The following FRMPD1 variants were observed in gnomAD, a reference collection of about 807,000 sequenced individuals.
FRMPD1 encodes the protein FERM and PDZ domain-containing protein 1.
A neutral mutation model predicts 117.8 loss-of-function variants in FRMPD1; 76 were observed. That is an observed-to-expected ratio of 0.65 (90% CI 0.54 to 0.78). The LOEUF (loss-of-function observed/expected upper bound fraction) is 0.78. FRMPD1 is among the 30% of genes least tolerant of loss of function. The pLI, the probability that FRMPD1 is intolerant of heterozygous loss-of-function variation, is 0.00. For missense variants in FRMPD1, 1,786 were observed against 1,964.5 expected (o/e 0.91, Z 1.72); for synonymous variants, 783 against 770.4 (o/e 1.02, Z -0.27).
chr9:37,638,639 GAGATATTTTC>G, the FRMPD1 span, among the ~76,000 whole-genome samples: 1 of 152,140 alleles, frequency 6.6e-6, no homozygotes. Flanking sequence ...AACCTCATGG[GAGATATTTTC>G]TAAATCCTTT....
At chr9:37,637,707 C>G in the FRMPD1 span, among the ~76,000 whole-genome samples, 4,410 of 152,234 alleles carry the variant, frequency 0.029, 242 homozygotes, top group African/African-American at 0.1. Context: ...CTCTCCAGGC[C>G]CAGGATTGCT....
chr9:37,642,133 A>G, the FRMPD1 span, among the ~76,000 whole-genome samples: 2 of 152,264 alleles, frequency 1.3e-5, no homozygotes, highest in South Asian at 4.1e-4. Context: ...TTGACAGAAC[A>G]GAGGAGGGTA....
the FRMPD1 span, among the ~76,000 whole-genome samples, chr9:37,611,839 T>C: frequency 0.16 from 24,736 of 151,954 alleles, 2,397 homozygotes; most frequent in African/African-American, 0.27. Flanking sequence ...TCTTCTGTAT[T>C]CTTTTTTTCC....
rs36016239 is a variant in FRMPD1 at position 37,659,915 on chromosome 9, T to TAAA, written c.-5+8838_-5+8840dup. ...TGTTTGCAGTTGACTTTTCAAGCAC[T>TAAA]AAAAAAAAAAAAAAAAAAACAAAAC... On this transcript the variant is annotated intron_variant, in intron 1 of 15. Coordinates refer to ENST00000377765, the MANE Select transcript of FRMPD1 (RefSeq NM_014907.3). Among the ~76,000 whole-genome samples the TAAA allele has an allele frequency of 4.0e-3, 419 of 103,582 alleles. 9 individuals carry two copies. Among genetic ancestry groups the TAAA allele is most frequent in the South Asian group, 6.8e-3 (21 of 3,074 alleles). 68.0% of individuals were successfully genotyped at this position (103,582 alleles called of 152,430 possible).
chr9:37,737,019 C>T (rs1824165762), intron 13 of FRMPD1, 77 bp from the exon 14 acceptor site: 1 of 1,125,298 alleles, frequency 8.9e-7, no homozygotes, highest in Admixed American at 2.0e-5. Context: ...TCTCGTTGGT[C>T]CCACATGGCT....
chr9:37,711,264 C>T (rs1822899751), intron 4 of FRMPD1, 86 bp from the exon 5 acceptor site: 1 of 878,936 alleles, frequency 1.1e-6, no homozygotes, highest in Non-Finnish European at 1.9e-6. Flanking sequence ...TTGACCCTAA[C>T]ACACATGCTC....
chr9:37,723,764 G>A (rs1048605570), intron 6 of FRMPD1, among the ~76,000 whole-genome samples: 20 of 151,936 alleles, frequency 1.3e-4, no homozygotes, highest in Non-Finnish European at 2.2e-4. Flanking sequence ...AGGCTGAGGC[G>A]GGTGGATCAC....
At chr9:37,718,589 A>C (rs1015480141) in intron 5 of FRMPD1, among the ~76,000 whole-genome samples, 2 of 152,254 alleles carry the variant, frequency 1.3e-5, no homozygotes, top group African/African-American at 4.8e-5. Flanking sequence ...CATAAGGGTC[A>C]GAGTTTCAGG....
At position 37,746,557 on chromosome 9, in the gene FRMPD1, G is replaced by A. The variant is rs775132699; in HGVS notation, c.4525G>A (p.Asp1509Asn). Residue 1509 changes from aspartate (D) to asparagine (N), a missense_variant, in exon 16 of 16, where the codon GAC becomes AAC. Coordinates refer to ENST00000377765, the MANE Select transcript of FRMPD1 (RefSeq NM_014907.3). The part of the protein sequence containing the change: ...QLAGLCFQFT[D>N]CSRCSARHRE... ...GGCCGGCCTGTGCTTTCAGTTCACA[G>A]ACTGTAGCCGCTGCTCCGCCCGGCA... 6.2e-7 allele frequency: 1 copy of A among 1,613,750 alleles called. No homozygotes were observed. The highest frequency in any genetic ancestry group is 2.2e-5 in the East Asian group (1 of 44,876).
intron 14 of FRMPD1, 131 bp downstream of exon 14, chr9:37,737,374 C>T: frequency 1.5e-6 from 1 of 684,212 alleles, no homozygotes; most frequent in Non-Finnish European, 2.5e-6. Context: ...AGCTATTTCT[C>T]TGTTTATTTC....
intron 14 of FRMPD1, among the ~76,000 whole-genome samples, chr9:37,737,777 C>T (rs1009511567): frequency 6.8e-6 from 1 of 146,132 alleles, no homozygotes; most frequent in African/African-American, 2.6e-5. Context: ...GAGCCGAGAT[C>T]GTGCCATTGC....
At chr9:37,639,608 TAA>T in the FRMPD1 span, among the ~76,000 whole-genome samples, 26 of 152,334 alleles carry the variant, frequency 1.7e-4, no homozygotes, top group Non-Finnish European at 3.4e-4. Flanking sequence ...CACCTCTCAG[TAA>T]AAGTAACTAG....
chr9:37,735,775 T>C, intron 13 of FRMPD1, 41 bp downstream of exon 13: 1 of 1,483,704 alleles, frequency 6.7e-7, no homozygotes, highest in Non-Finnish European at 9.4e-7. Flanking sequence ...ACTGCTGGAA[T>C]TTGGGGCCAA....
chr9:37,673,485 TGGATCTACCATTCTGGGGTCTGGA>T, intron 1 of FRMPD1, among the ~76,000 whole-genome samples: 1 of 152,330 alleles, frequency 6.6e-6, no homozygotes, highest in African/African-American at 2.4e-5. Flanking sequence ...AAGCTGTTGG[TGGATCTACCATTCTGGGGTCTGGA>T]GGATGTTGGC....
In FRMPD1 at chr9:37,744,380, G is replaced by T; in HGVS notation, c.2357-9G>T. On this transcript the variant is annotated splice_polypyrimidine_tract_variant and intron_variant, in intron 15 of 15. Coordinates refer to ENST00000377765, the MANE Select transcript of FRMPD1 (RefSeq NM_014907.3). ...CTTTTTAATGTATTTTTTCTTTCCT[G>T]ACTCCCAGGGCCCAGAGATGTTTCT... 2 of 1,557,702 alleles carry T rather than the reference G, an allele frequency of 1.3e-6. No homozygotes were observed. Among genetic ancestry groups the T allele is most frequent in the Admixed American group, 2.0e-5 (1 of 49,426 alleles).
rs1824089092 is a variant in FRMPD1, at chr9:37,735,711, A to G, written c.1378A>G (p.Lys460Glu). The change falls in exon 13 of 16, where the codon AAA becomes GAA. Residue 460 changes from lysine to glutamate, a missense_variant. Lys to Glu is a moderately conservative substitution (Grantham distance 56, BLOSUM62 1). Coordinates refer to ENST00000377765, the MANE Select transcript of FRMPD1 (RefSeq NM_014907.3). The stretch of plus-strand genomic sequence containing the variant: ...AGAGTCTGAGAAAGTGAGCGTCGTC[A>G]AAGTGTATCTTCAGGACGTCAAGGT... ...TEESEKVSVVKVYLQDVKVLT... is the reference protein window; with the variant it reads ...TEESEKVSVVEVYLQDVKVLT... The G allele has an allele frequency of 6.2e-7, 1 of 1,613,638 alleles. No individual in the cohort carries two copies. The highest frequency in any genetic ancestry group is 1.3e-5 in the African/African-American group (1 of 74,926).
intron 1 of FRMPD1, among the ~76,000 whole-genome samples, chr9:37,679,814 G>A (rs770299305): frequency 6.6e-6 from 1 of 152,220 alleles, no homozygotes; most frequent in African/African-American, 2.4e-5. Context: ...CTCTTTCCCT[G>A]CACCAGGGTG....
chr9:37,650,829 C>T (rs949846960), upstream of FRMPD1, among the ~76,000 whole-genome samples: 1 of 148,918 alleles, frequency 6.7e-6, no homozygotes, highest in Non-Finnish European at 1.5e-5. Flanking sequence ...GCTCCTCCCC[C>T]GGGGCGGGGG....
At chr9:37,610,580 A>G in the FRMPD1 span, among the ~76,000 whole-genome samples, 4 of 150,452 alleles carry the variant, frequency 2.7e-5, no homozygotes, top group African/African-American at 9.7e-5. Flanking sequence ...TCAGTACATG[A>G]ATAACTATCA....
Sources: allele counts gnomAD v4.1 joint callset (sites outside exome capture counted in the v4.1 genomes callset), GRCh38; gene constraint gnomAD v4.1.1; transcripts MANE v1.5; gene names NCBI Gene and HGNC (gene_info 2026-07-23, HGNC 2026-07-21).